The following NEK1 variants were observed in gnomAD, a reference collection of about 807,000 sequenced individuals.
The protein encoded by NEK1 is serine/threonine-protein kinase Nek1.
Under a neutral mutation model 182.1 loss-of-function variants are expected in NEK1, and 137 were observed. The ratio of observed to expected loss-of-function variants is 0.75; its 90% confidence interval spans 0.65 to 0.87. The LOEUF (loss-of-function observed/expected upper bound fraction) is 0.87, where lower values mean the gene tolerates loss of function less well. Among genes scored for constraint, NEK1 ranks in the 40% least tolerant of loss-of-function variants. The pLI, the probability that NEK1 is intolerant of heterozygous loss-of-function variation, is 0.00. For synonymous variants in NEK1, 513 were observed against 492.2 expected (o/e 1.04, Z -0.56); for missense variants, 1,391 against 1,494.4 (o/e 0.93, Z 1.14).
In NEK1 at chr4:169,587,114, TA is replaced by T. The variant is rs559911283; in HGVS notation, c.606+444del. 5.6e-3 allele frequency among the ~76,000 whole-genome samples: 859 copies of T among 152,070 alleles called. 9 individuals are homozygous for T. Among genetic ancestry groups the T allele is most frequent in the African/African-American group, 0.02 (818 of 41,548 alleles). The stretch of plus-strand genomic sequence containing the variant: ...AAAAAAGTCTCAAAAGTAAAAATTT[TA>T]AATACTCTGAATTAATGATTACTCA... On this transcript the variant is annotated intron_variant, in intron 9 of 35. Coordinates refer to ENST00000507142, the MANE Select transcript of NEK1 (RefSeq NM_001199397.3).
Position 169,580,804 on chromosome 4 carries a change from G to T in NEK1, c.868+38C>A, listed in dbSNP as rs761152302. On this transcript the variant is annotated intron_variant, in intron 11 of 35. Transcript: ENST00000507142. ...TCCAGTTTAATTAGGGTTGATTATT[G>T]CAAACAGATGAAAGGCTTCATATCA... 27 of 1,253,476 alleles carry T rather than the reference G, an allele frequency of 2.2e-5. No homozygotes were observed. In the African/African-American group the frequency reaches 3.1e-4, roughly 15 times the overall value. The allele number at this position is 1,253,476 out of a possible 1,614,324, so 77.6% of individuals were successfully genotyped here.
chr4:169,502,264 CA>C (rs1160839547), intron 23 of NEK1, among the ~76,000 whole-genome samples: 24 of 144,474 alleles, frequency 1.7e-4, no homozygotes, highest in Admixed American at 4.1e-4. Context: ...AACTACCAAT[CA>C]AAAAAAAAAG....
At chr4:169,532,331 A>G (rs1757803983) in intron 19 of NEK1, among the ~76,000 whole-genome samples, 1 of 152,242 alleles carries the variant, frequency 6.6e-6, no homozygotes, top group Non-Finnish European at 1.5e-5. Flanking sequence ...TGCTAAAAAC[A>G]GCACTTAAAA....
At position 169,406,166 on chromosome 4, in the gene NEK1, C is replaced by A. The variant is rs1034702567; in HGVS notation, c.3374+430G>T. On this transcript the variant is annotated intron_variant, in intron 32 of 35. Coordinates refer to ENST00000507142, the MANE Select transcript of NEK1 (RefSeq NM_001199397.3). Reference sequence around the variant, plus strand: ...TGTTGCCCAGGCTGGTCTCACATTCCTCCTGCCTTGGCCTCCCAATGTGGT... The same window carrying A: ...TGTTGCCCAGGCTGGTCTCACATTCATCCTGCCTTGGCCTCCCAATGTGGT... Among the ~76,000 whole-genome samples the A allele has an allele frequency of 6.5e-4, 99 of 152,176 alleles. 1 individual carries two copies. The highest frequency in any genetic ancestry group is 6.0e-4 in the Non-Finnish European group (41 of 68,032).
At chr4:169,411,295 T>C (rs1733632982) in intron 31 of NEK1, among the ~76,000 whole-genome samples, 1 of 152,092 alleles carries the variant, frequency 6.6e-6, no homozygotes, top group Non-Finnish European at 1.5e-5. Flanking sequence ...TATTTTTTTT[T>C]TTTTTTTAGT....
chr4:169,533,441 T>A (rs1442189247), intron 19 of NEK1, among the ~76,000 whole-genome samples: 1 of 151,982 alleles, frequency 6.6e-6, no homozygotes, highest in Non-Finnish European at 1.5e-5. Context: ...ATTTGAGGAG[T>A]ACCAACACTA....
intron 27 of NEK1, among the ~76,000 whole-genome samples, chr4:169,452,556 CA>C (rs1742023461): frequency 6.6e-6 from 1 of 152,162 alleles, no homozygotes; most frequent in African/African-American, 2.4e-5. Context: ...GAACCAACAA[CA>C]AAAACCACAT....
intron 27 of NEK1, among the ~76,000 whole-genome samples, chr4:169,453,104 AG>A (rs1363388560): frequency 1.3e-5 from 2 of 152,230 alleles, no homozygotes. Context: ...TCAACTTACA[AG>A]GGATGTGAAG....
At chr4:169,418,149 T>C (rs1734853922) in intron 31 of NEK1, among the ~76,000 whole-genome samples, 2 of 152,122 alleles carry the variant, frequency 1.3e-5, no homozygotes, top group Admixed American at 1.3e-4. Context: ...TTCCTCAAGA[T>C]CACCTGTGAT....
At chr4:169,507,586 A>G (rs544282301) in intron 22 of NEK1, 129 bp downstream of exon 22, 7 of 516,042 alleles carry the variant, frequency 1.4e-5, no homozygotes, top group Non-Finnish European at 2.3e-5. Context: ...CAAAAAGTGG[A>G]GGAGAAAGAT....
intron 27 of NEK1, among the ~76,000 whole-genome samples, chr4:169,450,452 G>C (rs912655436): frequency 2.6e-5 from 4 of 152,154 alleles, no homozygotes; most frequent in African/African-American, 9.7e-5. Flanking sequence ...ACCCACAAAG[G>C]GAAGCCCATC....
intron 27 of NEK1, among the ~76,000 whole-genome samples, chr4:169,458,449 C>A (rs577178615): frequency 6.6e-6 from 1 of 152,014 alleles, no homozygotes; most frequent in Non-Finnish European, 1.5e-5. Context: ...AAAACTAGGC[C>A]GGGTGCAGTG....
chr4:169,588,261 G>A (rs7698452), intron 8 of NEK1, among the ~76,000 whole-genome samples: 13,544 of 152,022 alleles, frequency 0.089, 797 homozygotes, highest in African/African-American at 0.16. Flanking sequence ...AAGAAGAGGA[G>A]GAATGATTAA....
In NEK1 at chr4:169,496,844, G is replaced by C. The variant is rs988227900; in HGVS notation, c.2007+10193C>G. ...AGGATTTTTACATCGATGTTCATCA[G>C]GGATATTGGTCTAAAATTCTCTTTT... On this transcript the variant is annotated intron_variant, in intron 23 of 35. Coordinates refer to ENST00000507142, the MANE Select transcript of NEK1 (RefSeq NM_001199397.3). Among the ~76,000 whole-genome samples the C allele has an allele frequency of 8.5e-5, 13 of 152,234 alleles. No individual in the cohort carries two copies. In the South Asian group the frequency reaches 2.3e-3, roughly 27 times the overall value.
chr4:169,462,336 G>A (rs375282204), intron 27 of NEK1, among the ~76,000 whole-genome samples: 1 of 152,056 alleles, frequency 6.6e-6, no homozygotes, highest in African/African-American at 2.4e-5. Flanking sequence ...TTCCTTATAT[G>A]AGAATGTGAA....
At chr4:169,537,343 ATTCTAC>A (rs1758674254) in intron 19 of NEK1, among the ~76,000 whole-genome samples, 1 of 152,226 alleles carries the variant, frequency 6.6e-6, no homozygotes, top group Non-Finnish European at 1.5e-5. Context: ...CTTTACTAAA[ATTCTAC>A]TTCTAATTTG....
chr4:169,433,540 C>T lies in NEK1; in HGVS notation c.2885+5G>A. The T allele has an allele frequency of 1.2e-6, 2 of 1,605,906 alleles. No individual in the cohort carries two copies. Among genetic ancestry groups the T allele is most frequent in the Non-Finnish European group, 1.7e-6 (2 of 1,177,582 alleles). ...TTTTAAAATGTCAGGAAAAGATGTA[C>T]ATACTGAGTTTCCTTTGTTTCTTTT... On this transcript the variant is annotated splice_donor_5th_base_variant and intron_variant, in intron 29 of 35. Transcript: ENST00000507142.
chr4:169,545,493 T>C (rs1267077809), intron 18 of NEK1, among the ~76,000 whole-genome samples: 62 of 150,014 alleles, frequency 4.1e-4, no homozygotes, highest in Middle Eastern at 6.8e-3. Context: ...CTATTGTGAA[T>C]AATGCCGCAA....
chr4:169,498,884 T>G (rs954810751), intron 23 of NEK1, among the ~76,000 whole-genome samples: 5 of 152,238 alleles, frequency 3.3e-5, no homozygotes, highest in Admixed American at 1.3e-4. Flanking sequence ...TTATGTGTCT[T>G]GGAGTTGCTC....
Sources: allele counts gnomAD v4.1 joint callset (sites outside exome capture counted in the v4.1 genomes callset), GRCh38; gene constraint gnomAD v4.1.1; transcripts MANE v1.5; gene names NCBI Gene and HGNC (gene_info 2026-07-23, HGNC 2026-07-21).